Variants in PCNT observed in about 807,000 individuals in gnomAD.
PCNT encodes kendrin.
In PCNT, 319 loss-of-function variants were observed where a neutral mutation model predicts 380.4. That is an observed-to-expected ratio of 0.84 (90% CI 0.77 to 0.92). PCNT has a LOEUF of 0.92. Ranked by LOEUF, PCNT falls within the 40% of genes least tolerant of loss-of-function variation. The pLI is 0.00. For missense variants in PCNT, 4,400 were observed against 4,255.3 expected (o/e 1.03, Z -0.95); for synonymous variants, 1,845 against 1,735.2 (o/e 1.06, Z -1.57).
At chr21:46,417,184 C>CTTTTTTTTTTT (rs71318076) in intron 30 of PCNT, among the ~76,000 whole-genome samples, 10 of 73,348 alleles carry the variant, frequency 1.4e-4, no homozygotes, top group East Asian at 5.4e-4. Context: ...GGAATGCTTC[C>CTTTTTTTTTTT]TTTTTTTTTT....
chr21:46,352,975 C>G, intron 9 of PCNT, 129 bp from the exon 10 acceptor site: 3 of 756,606 alleles, frequency 4.0e-6, no homozygotes, highest in Admixed American at 2.0e-5. Flanking sequence ...TCCCTCATCC[C>G]TCTCCGGTTC....
rs1478509613 is a variant in PCNT at position 46,411,409 on chromosome 21, A to C, written c.5336A>C (p.Gln1779Pro). 6.2e-7 allele frequency: 1 copy of C among 1,613,446 alleles called. No homozygotes were observed. Residue 1779 changes from glutamine (Q) to proline (P), a missense_variant, in exon 28 of 47, where the codon CAG (glutamine) becomes CCG (proline). Physicochemically the swap from Gln to Pro is moderately conservative, Grantham distance 76 (BLOSUM62 -1). Transcript: ENST00000359568. ...CTGCAGAGCGAGCTGCTCTGCTCCC[A>C]GGCCGGGGGCCCTCGTGGGCAGGCC... is the stretch of plus-strand genomic sequence containing the variant. ...GSLQSELLCSQAGGPRGQALQ... is the reference protein window; with the variant it reads ...GSLQSELLCSPAGGPRGQALQ...
intron 10 of PCNT, among the ~76,000 whole-genome samples, chr21:46,353,578 G>C (rs531105221): frequency 6.6e-6 from 1 of 151,584 alleles, no homozygotes; most frequent in Non-Finnish European, 1.5e-5. Flanking sequence ...GGACACGCTC[G>C]TGTAGGCCAG....
chr21:46,360,118 A>T (rs1005563079), intron 13 of PCNT, among the ~76,000 whole-genome samples: 2 of 151,738 alleles, frequency 1.3e-5, no homozygotes, highest in African/African-American at 4.8e-5. Flanking sequence ...CGGCCTCCCA[A>T]AGTGCTGGGA....
At position 46,380,145 on chromosome 21, in the gene PCNT, A is replaced by ATTTTTTT. The variant is rs552854585; in HGVS notation, c.3166-1517_3166-1511dup. On this transcript the variant is annotated intron_variant, in intron 15 of 46. Coordinates refer to ENST00000359568, the MANE Select transcript of PCNT (RefSeq NM_006031.6). ...GTTTCCAACCGGTGCCCTGGGGTAGATTTTTTTTTTTTTTTTTTTTTTTTT... is the reference window on the plus strand; with the variant it reads ...GTTTCCAACCGGTGCCCTGGGGTAGATTTTTTTTTTTTTTTTTTTTTTTTTTTTTTTT... 7.0e-4 allele frequency among the ~76,000 whole-genome samples: 42 copies of ATTTTTTT among 59,714 alleles called. 5 individuals are homozygous for ATTTTTTT. Among genetic ancestry groups the ATTTTTTT allele is most frequent in the Non-Finnish European group, 9.7e-4 (34 of 34,982 alleles). 39.2% of individuals were successfully genotyped at this position (59,714 alleles called of 152,430 possible). A position where few individuals can be genotyped will look rare whatever the true frequency, so the allele number is the denominator to read the frequency against.
chr21:46,418,944 G>A (rs2087138433), intron 31 of PCNT, among the ~76,000 whole-genome samples: 1 of 152,232 alleles, frequency 6.6e-6, no homozygotes, highest in African/African-American at 2.4e-5. Context: ...ACCTCCTTCT[G>A]TGGGAGATGC....
intron 16 of PCNT, among the ~76,000 whole-genome samples, chr21:46,383,200 A>G (rs897125958): frequency 1.4e-5 from 2 of 147,926 alleles, no homozygotes; most frequent in Non-Finnish European, 3.0e-5. Flanking sequence ...GCGGAAGCAC[A>G]TTCACCATGT....
At position 46,399,741 on chromosome 21, in the gene PCNT, C is replaced by T; in HGVS notation, c.4736C>T (p.Ala1579Val). The T allele has an allele frequency of 6.2e-7, 1 of 1,613,998 alleles. No individual in the cohort carries two copies. Among genetic ancestry groups the T allele is most frequent in the Non-Finnish European group, 8.5e-7 (1 of 1,179,972 alleles). ...AACATCAACATCAGGAAAAAAGTGGCCCAGCTCCAGGAAGAAGTGGAAAAA... is the reference window on the plus strand; with the variant it reads ...AACATCAACATCAGGAAAAAAGTGGTCCAGCTCCAGGAAGAAGTGGAAAAA... ...EMNINIRKKV[A>V]QLQEEVEKQK... The change falls in exon 25 of 47, where the codon GCC becomes GTC. Residue 1579 changes from alanine to valine, a missense_variant. Coordinates refer to ENST00000359568, the MANE Select transcript of PCNT (RefSeq NM_006031.6).
chr21:46,344,364 G>A (rs9974784), intron 3 of PCNT, among the ~76,000 whole-genome samples: 35,241 of 152,066 alleles, frequency 0.23, 4,318 homozygotes, highest in East Asian at 0.29. Context: ...GTGAACCACC[G>A]CGCCCGGCCC....
intron 3 of PCNT, among the ~76,000 whole-genome samples, chr21:46,345,477 C>T (rs993595000): frequency 2.6e-5 from 4 of 152,334 alleles, no homozygotes; most frequent in African/African-American, 9.6e-5. Flanking sequence ...CTCGGCCTCC[C>T]AAATTCTGGG....
intron 2 of PCNT, among the ~76,000 whole-genome samples, chr21:46,329,469 T>A (rs544693100): frequency 1.3e-5 from 2 of 152,382 alleles, no homozygotes; most frequent in East Asian, 3.9e-4. Context: ...AGGTTACTTA[T>A]ATAACATTTT....
chr21:46,353,142 G>A lies in PCNT; in HGVS notation c.1495G>A (p.Glu499Lys). The A allele has an allele frequency of 6.2e-7, 1 of 1,614,090 alleles. No homozygotes were observed. Among genetic ancestry groups the A allele is most frequent in the Non-Finnish European group, 8.5e-7 (1 of 1,180,048 alleles). Residue 499 changes from glutamate to lysine, a missense_variant, in exon 10 of 47, where the codon GAA becomes AAA. Coordinates refer to ENST00000359568, the MANE Select transcript of PCNT (RefSeq NM_006031.6). ...EQLLARTSRV[E>K]DLEQLKQREK... Reference sequence around the variant, plus strand: ...ACTCCTGGCGCGCACCTCTCGTGTGGAAGATTTAGAACAGCTGAAGCAGCG... The same window carrying A: ...ACTCCTGGCGCGCACCTCTCGTGTGAAAGATTTAGAACAGCTGAAGCAGCG...
chr21:46,405,309 GAC>G lies in PCNT; in HGVS notation c.5115+2828_5115+2829del, dbSNP rs1276980780. 2.6e-5 allele frequency among the ~76,000 whole-genome samples: 4 copies of G among 152,318 alleles called. No homozygotes were observed. The East Asian group carries it at 7.7e-4, about 29-fold the overall frequency. Reference sequence around the variant, plus strand: ...AGTTTGTCACTTTTAATTTCCCTTTGACAGAGGCTACTGAGATGTTATCTGTC... The same window carrying G: ...AGTTTGTCACTTTTAATTTCCCTTTGAGAGGCTACTGAGATGTTATCTGTC... On this transcript the variant is annotated intron_variant, in intron 27 of 46. Coordinates refer to ENST00000359568, the MANE Select transcript of PCNT (RefSeq NM_006031.6).
At position 46,431,537 on chromosome 21, in the gene PCNT, G is replaced by A. The variant is rs748616584; in HGVS notation, c.8073G>A (p.Arg2691=). 6 of 1,613,888 alleles carry A rather than the reference G, an allele frequency of 3.7e-6. No homozygotes were observed. Among genetic ancestry groups the A allele is most frequent in the Non-Finnish European group, 5.1e-6 (6 of 1,179,954 alleles). Residue 2691 remains arginine, a synonymous_variant, in exon 38 of 47, where the codon CGG becomes CGA. Transcript: ENST00000359568. ...ATGTGTTTGCTGTCTAGGAGCTGCG[G>A]GCGTCTTTGGAGACACAGCGTGCTC... The part of the protein sequence containing the change: ...SQSAKALEEL[R]ASLETQRAQS...
chr21:46,383,367 A>G (rs560058186), intron 16 of PCNT, among the ~76,000 whole-genome samples: 8 of 145,472 alleles, frequency 5.5e-5, no homozygotes, highest in African/African-American at 1.5e-4. Flanking sequence ...GCGGAAGCGC[A>G]TTCACCATGT....
At chr21:46,364,536 G>A (rs1201140360) in intron 14 of PCNT, among the ~76,000 whole-genome samples, 1 of 152,252 alleles carries the variant, frequency 6.6e-6, no homozygotes, top group East Asian at 1.9e-4. Flanking sequence ...TAAGGACATG[G>A]AGTTTATCCA....
At chr21:46,387,210 A>C (rs1056312257) in intron 17 of PCNT, among the ~76,000 whole-genome samples, 1 of 152,154 alleles carries the variant, frequency 6.6e-6, no homozygotes, top group Non-Finnish European at 1.5e-5. Context: ...CTGAGGGTCC[A>C]TCCGTGTGTG....
chr21:46,431,205 A>C, intron 37 of PCNT: 2 of 1,234,346 alleles, frequency 1.6e-6, no homozygotes, highest in Non-Finnish European at 2.0e-6. Flanking sequence ...AAGAGGGGGC[A>C]GGAGCCTCTG....
rs573567800 is a variant in PCNT at position 46,381,910 on chromosome 21, G to T, written c.3312+70G>T. 35 of 1,540,130 alleles carry T rather than the reference G, an allele frequency of 2.3e-5. No individual in the cohort carries two copies. In the Middle Eastern group the frequency reaches 1.0e-3, roughly 44 times the overall value. Reference sequence around the variant, plus strand: ...TAAAAATCATTTTCACTTTATTTCAGTGCACAGTTCAGTGGCAGGAGTGCA... The same window carrying T: ...TAAAAATCATTTTCACTTTATTTCATTGCACAGTTCAGTGGCAGGAGTGCA... On this transcript the variant is annotated intron_variant, in intron 16 of 46. Coordinates refer to ENST00000359568, the MANE Select transcript of PCNT (RefSeq NM_006031.6).
Sources: gnomAD v4.1 joint callset for allele counts (sites outside exome capture counted in the v4.1 genomes callset) on GRCh38, gnomAD v4.1.1 for gene constraint, MANE v1.5 for transcripts, NCBI Gene and HGNC (gene_info 2026-07-23, HGNC 2026-07-21) for gene names.